Variants in TDRD7 observed in about 807,000 individuals in gnomAD.
TDRD7 encodes the protein tudor domain containing 7.
Under a neutral mutation model 109.8 loss-of-function variants are expected in TDRD7, and 47 were observed. That is an observed-to-expected ratio of 0.43 (90% CI 0.34 to 0.55). The LOEUF (loss-of-function observed/expected upper bound fraction) is 0.55. Among genes scored for constraint, TDRD7 ranks in the 20% least tolerant of loss-of-function variants. TDRD7 has a pLI of 0.03. For missense variants in TDRD7, 1,164 were observed against 1,319.2 expected, an observed-to-expected ratio of 0.88 and a Z score of 1.82; for synonymous variants, 424 against 457.3, an observed-to-expected ratio of 0.93 and a Z score of 0.93.
chr9:97,492,346 T>G (rs1046195050), intron 16 of TDRD7, among the ~76,000 whole-genome samples: 3 of 152,196 alleles, frequency 2.0e-5, no homozygotes, highest in Admixed American at 2.0e-4. Context: ...AATAGCAGCT[T>G]AGTGAAGTTA....
chr9:97,414,952 G>T (rs1040434126), intron 1 of TDRD7, among the ~76,000 whole-genome samples: 1 of 152,182 alleles, frequency 6.6e-6, no homozygotes, highest in Non-Finnish European at 1.5e-5. Context: ...CCTAGACGAT[G>T]CCTAAAATGT....
chr9:97,418,676 G>A (rs528124676), intron 1 of TDRD7, among the ~76,000 whole-genome samples: 2 of 152,196 alleles, frequency 1.3e-5, no homozygotes, highest in African/African-American at 2.4e-5. Flanking sequence ...AGGAGTGGAA[G>A]GCTTTCGCAG....
chr9:97,419,916 A>G (rs1157755350), intron 1 of TDRD7, among the ~76,000 whole-genome samples: 1 of 152,148 alleles, frequency 6.6e-6, no homozygotes, highest in Non-Finnish European at 1.5e-5. Flanking sequence ...GCGATATCTT[A>G]AGTATTTAAC....
intron 1 of TDRD7, among the ~76,000 whole-genome samples, chr9:97,423,070 C>G (rs1827924873): frequency 6.6e-6 from 1 of 152,196 alleles, no homozygotes; most frequent in South Asian, 2.1e-4. Context: ...TCTCTTCCCT[C>G]TGTTTTCTGG....
At chr9:97,451,590 C>G (rs575660162) in intron 6 of TDRD7, among the ~76,000 whole-genome samples, 9 of 152,358 alleles carry the variant, frequency 5.9e-5, no homozygotes, top group African/African-American at 2.2e-4. Flanking sequence ...CTGCACCCAG[C>G]CATATCCTTC....
intron 8 of TDRD7, among the ~76,000 whole-genome samples, chr9:97,467,068 T>C (rs913342479): frequency 5.9e-5 from 9 of 152,150 alleles, no homozygotes; most frequent in Admixed American, 3.3e-4. Flanking sequence ...GTGCCTTTGG[T>C]CAAGTCCCTC....
chr9:97,432,325 T>C (rs546279345), intron 4 of TDRD7, 87 bp downstream of exon 4: 3 of 1,186,372 alleles, frequency 2.5e-6, no homozygotes, highest in Admixed American at 3.5e-5. Context: ...AGAAACACTT[T>C]CTATTTTATC....
At chr9:97,441,976 C>T (rs1828314885) in intron 6 of TDRD7, 101 bp downstream of exon 6, 1 of 954,720 alleles carries the variant, frequency 1.0e-6, no homozygotes, top group African/African-American at 1.6e-5. Flanking sequence ...GAAGACAAAG[C>T]ACTTTACATA....
In TDRD7 at chr9:97,483,041, A is replaced by G. The variant is rs757817371; in HGVS notation, c.2605A>G (p.Met869Val). The G allele has an allele frequency of 3.6e-5, 58 of 1,614,100 alleles. No individual in the cohort carries two copies. Among genetic ancestry groups the G allele is most frequent in the East Asian group, 6.7e-5 (3 of 44,892 alleles). The change falls in exon 15 of 17, where the codon ATG becomes GTG. Residue 869 changes from methionine (M) to valine (V), a missense_variant. Transcript: ENST00000355295. ...SPNSKNGNMP[M>V]SGNTGENFRK... Reference sequence around the variant, plus strand: ...CAACAGCAAAAATGGCAACATGCCCATGTCGGGCAACACTGGAGAGAATTT... The same window carrying G: ...CAACAGCAAAAATGGCAACATGCCCGTGTCGGGCAACACTGGAGAGAATTT...
intron 6 of TDRD7, among the ~76,000 whole-genome samples, chr9:97,444,245 A>G (rs1380263955): frequency 1.3e-5 from 2 of 152,200 alleles, no homozygotes; most frequent in Non-Finnish European, 2.9e-5. Context: ...TAACTTTCCT[A>G]TCTATATATT....
chr9:97,427,163 C>G (rs1828011566), intron 1 of TDRD7, among the ~76,000 whole-genome samples: 1 of 152,104 alleles, frequency 6.6e-6, no homozygotes. Context: ...AAAGGGTAAG[C>G]CATTTTTTCC....
At chr9:97,471,232 T>G (rs1828905729) in intron 9 of TDRD7, among the ~76,000 whole-genome samples, 1 of 152,168 alleles carries the variant, frequency 6.6e-6, no homozygotes, top group Admixed American at 6.5e-5. Context: ...GATGACACAT[T>G]GGTCATGTCC....
intron 6 of TDRD7, among the ~76,000 whole-genome samples, chr9:97,446,735 CTTAATT>C (rs1292584386): frequency 3.9e-5 from 6 of 152,148 alleles, no homozygotes; most frequent in African/African-American, 9.7e-5. Context: ...AGGAATCTAA[CTTAATT>C]TTAATTACGG....
intron 6 of TDRD7, among the ~76,000 whole-genome samples, chr9:97,443,835 A>T (rs1448365516): frequency 6.6e-6 from 1 of 152,204 alleles, no homozygotes; most frequent in African/African-American, 2.4e-5. Context: ...ATCAGGATAC[A>T]TATATAACTC....
intron 16 of TDRD7, among the ~76,000 whole-genome samples, chr9:97,494,157 A>G (rs1311735618): frequency 1.3e-5 from 2 of 152,236 alleles, no homozygotes; most frequent in Non-Finnish European, 2.9e-5. Flanking sequence ...ATTTATGTTC[A>G]GAGATTGCAG....
rs148140615 is a variant in TDRD7, at chr9:97,482,190, T to C, written c.2413-659T>C. ...GATGGTTAGGTAGTCAGAGGTCTCC[T>C]GGACAAAAAGTGTAAAACTAATTTT... On this transcript the variant is annotated intron_variant, in intron 14 of 16. Coordinates refer to ENST00000355295, the MANE Select transcript of TDRD7 (RefSeq NM_014290.3). 2.6e-5 allele frequency among the ~76,000 whole-genome samples: 4 copies of C among 152,334 alleles called. No homozygotes were observed. The East Asian group carries it at 7.7e-4, about 29-fold the overall frequency.
rs1232962617 is a variant in TDRD7, at chr9:97,412,295, G to C, written c.-7+57G>C. On this transcript the variant is annotated intron_variant, in intron 1 of 16. Coordinates refer to ENST00000355295, the MANE Select transcript of TDRD7 (RefSeq NM_014290.3). This position sits in a 1 kb window ranked among gnomAD's most constrained non-coding sequence, Gnocchi z 4.3. ...ACAGGTGCCGGGCGACGTCGGACGAGATTTCGGGCGGGCGCGGCGCACCTG... is the reference window on the plus strand; with the variant it reads ...ACAGGTGCCGGGCGACGTCGGACGACATTTCGGGCGGGCGCGGCGCACCTG... 1.3e-5 allele frequency: 2 copies of C among 152,500 alleles called. No individual in the cohort carries two copies. Among genetic ancestry groups the C allele is most frequent in the Non-Finnish European group, 2.9e-5 (2 of 68,320 alleles). The allele number at this position is 152,500 out of a possible 1,614,324, so 9.4% of individuals were successfully genotyped here. A position where few individuals can be genotyped will look rare whatever the true frequency, so the allele number is the denominator to read the frequency against.
At chr9:97,445,416 A>G (rs905320203) in intron 6 of TDRD7, among the ~76,000 whole-genome samples, 21 of 152,228 alleles carry the variant, frequency 1.4e-4, no homozygotes, top group Admixed American at 1.2e-3. Context: ...GAAAATAAAC[A>G]TTGAACAAAT....
intron 6 of TDRD7, among the ~76,000 whole-genome samples, chr9:97,457,375 A>G (rs1340836433): frequency 6.7e-6 from 1 of 149,290 alleles, no homozygotes; most frequent in African/African-American, 2.4e-5. Flanking sequence ...CACACACACA[A>G]ATATATATAT....
Sources: allele counts gnomAD v4.1 joint callset (sites outside exome capture counted in the v4.1 genomes callset), GRCh38; gene constraint gnomAD v4.1.1; non-coding constraint Gnocchi (gnomAD v3.1); transcripts MANE v1.5; gene names NCBI Gene and HGNC (gene_info 2026-07-23, HGNC 2026-07-21).